The following MIR2052HG variants were observed in gnomAD, a reference collection of about 807,000 sequenced individuals.
MIR2052HG encodes the protein MIR2052 host gene.
chr8:74,688,141 T>C (rs547813589), intron 2 of MIR2052HG, among the ~76,000 whole-genome samples: 1 of 152,338 alleles, frequency 6.6e-6, no homozygotes, highest in South Asian at 2.1e-4. Flanking sequence ...GCCTTATGTT[T>C]ATGCAATCTT....
At chr8:74,678,029 T>A (rs1809073784) in intron 2 of MIR2052HG, among the ~76,000 whole-genome samples, 1 of 152,040 alleles carries the variant, frequency 6.6e-6, no homozygotes, top group Non-Finnish European at 1.5e-5. Flanking sequence ...TTGAGAGTAT[T>A]AACAAAATAG....
At chr8:74,663,134 G>C in intron 2 of MIR2052HG, among the ~76,000 whole-genome samples, 1 of 152,072 alleles carries the variant, frequency 6.6e-6, no homozygotes, top group Non-Finnish European at 1.5e-5. Flanking sequence ...TTCATAAAGA[G>C]TATTGGTAAT....
At chr8:74,603,088 G>C (rs1454843387) in intron 1 of MIR2052HG, among the ~76,000 whole-genome samples, 1 of 146,764 alleles carries the variant, frequency 6.8e-6, no homozygotes, top group East Asian at 2.0e-4. Context: ...ACTAAATATG[G>C]ATCTCAGCAC....
chr8:74,677,539 C>A (rs1420553805), intron 2 of MIR2052HG, among the ~76,000 whole-genome samples: 1 of 151,930 alleles, frequency 6.6e-6, no homozygotes. Context: ...TAAATTGCAA[C>A]AAAAATTAAC....
At chr8:74,665,059 C>CT (rs1055208945) in intron 2 of MIR2052HG, among the ~76,000 whole-genome samples, 2 of 152,170 alleles carry the variant, frequency 1.3e-5, no homozygotes, top group Non-Finnish European at 2.9e-5. Flanking sequence ...TTACAACTTT[C>CT]TTTTTCTGAC....
intron 4 of MIR2052HG, among the ~76,000 whole-genome samples, chr8:74,705,024 C>T (rs746966577): frequency 1.4e-4 from 22 of 151,866 alleles, no homozygotes; most frequent in Non-Finnish European, 2.4e-4. Context: ...AGCAGCTCAG[C>T]TGAACTTCCT....
chr8:74,682,215 A>G (rs1415390716), intron 2 of MIR2052HG, among the ~76,000 whole-genome samples: 1 of 152,174 alleles, frequency 6.6e-6, no homozygotes, highest in Non-Finnish European at 1.5e-5. Flanking sequence ...AGAGGATAGT[A>G]TAAGGGTGAC....
intron 2 of MIR2052HG, among the ~76,000 whole-genome samples, chr8:74,621,624 CATGGGGG>C (rs1808362396): frequency 6.6e-6 from 1 of 152,134 alleles, no homozygotes; most frequent in Non-Finnish European, 1.5e-5. Context: ...TCATTAACAG[CATGGGGG>C]AAACAGCCAC....
At chr8:74,690,948 A>C (rs1478685284) in intron 2 of MIR2052HG, among the ~76,000 whole-genome samples, 2 of 152,144 alleles carry the variant, frequency 1.3e-5, no homozygotes, top group African/African-American at 4.8e-5. Context: ...GTTATGTATG[A>C]CGTTTATTCA....
At chr8:74,601,347 T>G (rs886119742) in intron 1 of MIR2052HG, among the ~76,000 whole-genome samples, 3 of 152,216 alleles carry the variant, frequency 2.0e-5, no homozygotes, top group Admixed American at 6.5e-5. Context: ...GTTCATGCTA[T>G]TCTGTATAAG....
chr8:74,639,767 G>A (rs990384896), intron 2 of MIR2052HG, among the ~76,000 whole-genome samples: 11 of 151,828 alleles, frequency 7.2e-5, no homozygotes, highest in Admixed American at 7.2e-4. Context: ...TCTAGGTTGT[G>A]TCATGGCATT....
At chr8:74,678,240 T>C (rs1357606780) in intron 2 of MIR2052HG, among the ~76,000 whole-genome samples, 1 of 152,082 alleles carries the variant, frequency 6.6e-6, no homozygotes, top group Non-Finnish European at 1.5e-5. Context: ...ACAATAATTC[T>C]CACAAACTTT....
chr8:74,697,166 G>C (rs1809306525), intron 2 of MIR2052HG, among the ~76,000 whole-genome samples: 1 of 152,098 alleles, frequency 6.6e-6, no homozygotes, highest in Non-Finnish European at 1.5e-5. Flanking sequence ...TGGACAGATG[G>C]TTTAACATAT....
chr8:74,633,388 C>G (rs1808543770), intron 2 of MIR2052HG: 1 of 152,076 alleles, frequency 6.6e-6, no homozygotes, highest in African/African-American at 2.4e-5. Context: ...TTGTGACACC[C>G]CTGGTGGTAG....
intron 2 of MIR2052HG, among the ~76,000 whole-genome samples, chr8:74,640,607 A>G (rs1337669276): frequency 1.3e-5 from 2 of 152,130 alleles, no homozygotes; most frequent in African/African-American, 4.8e-5. Context: ...TCAAACATGC[A>G]TCCACTTGCT....
At chr8:74,636,079 A>C (rs1808578259) in intron 2 of MIR2052HG, among the ~76,000 whole-genome samples, 1 of 152,036 alleles carries the variant, frequency 6.6e-6, no homozygotes, top group Non-Finnish European at 1.5e-5. Context: ...CCTCTATTTC[A>C]GTTCTTTTTT....
intron 2 of MIR2052HG, among the ~76,000 whole-genome samples, chr8:74,681,682 G>A (rs143974087): frequency 3.3e-5 from 5 of 152,160 alleles, no homozygotes; most frequent in Admixed American, 2.0e-4. Flanking sequence ...GACAAGTTTG[G>A]CCCCCGTTTG....
chr8:74,666,263 A>C (rs80323313), intron 2 of MIR2052HG, among the ~76,000 whole-genome samples: 4,559 of 152,208 alleles, frequency 0.03, 149 homozygotes, highest in African/African-American at 0.079. Flanking sequence ...CATATTTTAA[A>C]AGAGATAAAA....
chr8:74,662,008 G>C (rs953713487), intron 2 of MIR2052HG, among the ~76,000 whole-genome samples: 1 of 152,100 alleles, frequency 6.6e-6, no homozygotes, highest in Non-Finnish European at 1.5e-5. Flanking sequence ...GCACTAAATG[G>C]ATATAACTCT....
Sources: allele counts gnomAD v4.1 joint callset (sites outside exome capture counted in the v4.1 genomes callset), GRCh38; gene constraint gnomAD v4.1.1; transcripts MANE v1.5; gene names NCBI Gene and HGNC (gene_info 2026-07-23, HGNC 2026-07-21).